Variants in ANO3 observed in about 807,000 individuals in gnomAD.
ANO3 encodes the protein anoctamin-3.
In ANO3, 99 loss-of-function variants were observed where a neutral mutation model predicts 144.8. That is an observed-to-expected ratio of 0.68 (90% CI 0.58 to 0.81). The LOEUF (loss-of-function observed/expected upper bound fraction) is 0.81. Among genes scored for constraint, ANO3 ranks in the 30% least tolerant of loss-of-function variants. The pLI, the probability that ANO3 is intolerant of heterozygous loss-of-function variation, is 0.00. For missense variants in ANO3, 905 were observed against 1,202.2 expected (o/e 0.75, Z 3.66); for synonymous variants, 414 against 392.6 (o/e 1.05, Z -0.64).
intron 1 of ANO3, among the ~76,000 whole-genome samples, chr11:26,253,762 C>A (rs1413209042): frequency 6.6e-6 from 1 of 151,968 alleles, no homozygotes; most frequent in Non-Finnish European, 1.5e-5. Flanking sequence ...GCCAGAAGAC[C>A]CAATTGCTAA....
chr11:26,208,775 G>T (rs867041828), intron 1 of ANO3, among the ~76,000 whole-genome samples: 4 of 152,086 alleles, frequency 2.6e-5, no homozygotes, highest in South Asian at 2.1e-4. Context: ...ACTGCTCAAA[G>T]AAACTTTTTA....
Position 26,245,017 on chromosome 11 carries a change from G to GCA in ANO3, c.154+55687_154+55688insCA, listed in dbSNP as rs752247898. ...TGTGTGTGTGTGTGTGTGTGTGTGT[G>GCA]TGTGCATGCATGCATTTGTCTTTCA... On this transcript the variant is annotated intron_variant, in intron 1 of 27. Transcript: ENST00000672621. 2.1e-3 allele frequency among the ~76,000 whole-genome samples: 299 copies of GCA among 141,716 alleles called. 1 individual carries two copies. The highest frequency in any genetic ancestry group is 8.1e-3 in the African/African-American group (298 of 37,010). The allele number at this position is 141,716 out of a possible 152,430, so 93.0% of individuals were successfully genotyped here. A position where few individuals can be genotyped will look rare whatever the true frequency, so the allele number is the denominator to read the frequency against.
At chr11:26,491,063 T>G (rs1475577374) in intron 4 of ANO3, among the ~76,000 whole-genome samples, 1 of 152,228 alleles carries the variant, frequency 6.6e-6, no homozygotes, top group Non-Finnish European at 1.5e-5. Flanking sequence ...GCTGGGAGTA[T>G]GGACTAAATG....
chr11:26,262,979 C>T (rs911617399), intron 1 of ANO3, among the ~76,000 whole-genome samples: 15 of 152,214 alleles, frequency 9.9e-5, no homozygotes, highest in Non-Finnish European at 1.5e-5. Context: ...TTACTGAATA[C>T]ATGAGTGACT....
chr11:26,356,299 G>T (rs1190968534), intron 1 of ANO3, among the ~76,000 whole-genome samples: 1 of 151,940 alleles, frequency 6.6e-6, no homozygotes, highest in Non-Finnish European at 1.5e-5. Flanking sequence ...GGTAAGATTC[G>T]ACATATGTAT....
At chr11:26,257,814 G>C (rs1389277539) in intron 1 of ANO3, among the ~76,000 whole-genome samples, 1 of 151,848 alleles carries the variant, frequency 6.6e-6, no homozygotes, top group East Asian at 1.9e-4. Context: ...TAAAGAATAA[G>C]GAGAGAAAAA....
chr11:26,485,159 G>T (rs1234894239), intron 4 of ANO3, among the ~76,000 whole-genome samples: 1 of 152,142 alleles, frequency 6.6e-6, no homozygotes, highest in Non-Finnish European at 1.5e-5. Context: ...AGGGACAGTT[G>T]TACTTTGCAA....
intron 1 of ANO3, among the ~76,000 whole-genome samples, chr11:26,337,727 T>G (rs1486552471): frequency 5.9e-5 from 9 of 151,976 alleles, no homozygotes; most frequent in Admixed American, 5.9e-4. Flanking sequence ...TTGAGGACAG[T>G]AGTTTGAGAC....
At chr11:26,514,114 A>G (rs1381313534) in intron 5 of ANO3, among the ~76,000 whole-genome samples, 1 of 151,864 alleles carries the variant, frequency 6.6e-6, no homozygotes, top group Non-Finnish European at 1.5e-5. Context: ...ATGTATGCCC[A>G]GTTCAGAGAA....
intron 14 of ANO3, among the ~76,000 whole-genome samples, chr11:26,577,411 G>A (rs950042260): frequency 6.6e-6 from 1 of 151,902 alleles, no homozygotes; most frequent in Non-Finnish European, 1.5e-5. Context: ...ACAGAAAAAA[G>A]AGGTAGCTGG....
In ANO3 at chr11:26,472,437, A is replaced by G. The variant is rs76559295; in HGVS notation, c.432+9289A>G. On this transcript the variant is annotated intron_variant, in intron 4 of 26. Coordinates refer to ENST00000256737, the MANE Select transcript of ANO3 (RefSeq NM_031418.4). ...CCCCATTTCATAGGTGAGGAAATGA[A>G]GGCTTAGATGGCTACGTAACTTTCC... Among the ~76,000 whole-genome samples, 791 of 152,064 alleles carry G rather than the reference A, an allele frequency of 5.2e-3. 16 individuals carry two copies. Among genetic ancestry groups the G allele is most frequent in the African/African-American group, 0.019 (780 of 41,534 alleles).
At chr11:26,398,143 C>T (rs916951786) in intron 1 of ANO3, among the ~76,000 whole-genome samples, 2 of 152,034 alleles carry the variant, frequency 1.3e-5, no homozygotes, top group African/African-American at 4.8e-5. Context: ...GGTACAATGC[C>T]AGGTGGCAGC....
At chr11:26,512,679 A>G (rs1436555993) in intron 5 of ANO3, among the ~76,000 whole-genome samples, 1 of 152,210 alleles carries the variant, frequency 6.6e-6, no homozygotes, top group East Asian at 1.9e-4. Flanking sequence ...TTACTCATTG[A>G]TAGTAGTTAT....
chr11:26,206,982 A>T (rs1851807541), intron 1 of ANO3, among the ~76,000 whole-genome samples: 1 of 152,184 alleles, frequency 6.6e-6, no homozygotes, highest in African/African-American at 2.4e-5. Flanking sequence ...ATATTACGTG[A>T]TATCATTTGT....
chr11:26,589,031 T>C (rs1301429974), intron 14 of ANO3, among the ~76,000 whole-genome samples: 1 of 152,212 alleles, frequency 6.6e-6, no homozygotes, highest in East Asian at 1.9e-4. Flanking sequence ...TAATGACTTA[T>C]GGTAGTCCTG....
rs1373586604 is a variant in ANO3 at position 26,560,989 on chromosome 11, C to T, written c.1447+1210C>T. 89 of 1,437,274 alleles carry T rather than the reference C, an allele frequency of 6.2e-5. 1 individual carries two copies. The East Asian group carries it at 1.6e-3, about 26-fold the overall frequency. The allele number at this position is 1,437,274 out of a possible 1,614,324, so 89.0% of individuals were successfully genotyped here. A position where few individuals can be genotyped will look rare whatever the true frequency, so the allele number is the denominator to read the frequency against. On this transcript the variant is annotated intron_variant, in intron 14 of 26. Transcript: ENST00000256737. ...TCCACGTGACAGTAATTTTGTGTAA[C>T]CTTTTGAAAGATGAATTTGTCAAAA...
intron 1 of ANO3, among the ~76,000 whole-genome samples, chr11:26,250,419 C>G (rs1266665493): frequency 6.6e-6 from 1 of 152,156 alleles, no homozygotes; most frequent in Non-Finnish European, 1.5e-5. Flanking sequence ...GCATCCATAT[C>G]TATTTATTTC....
chr11:26,547,709 G>T (rs1375575043), intron 12 of ANO3, among the ~76,000 whole-genome samples, 159 bp downstream of exon 12: 1 of 151,668 alleles, frequency 6.6e-6, no homozygotes, highest in Non-Finnish European at 1.5e-5. Flanking sequence ...GGTAGGAAGA[G>T]AACACAATTA....
intron 7 of ANO3, among the ~76,000 whole-genome samples, chr11:26,530,099 A>T (rs996539030): frequency 3.9e-5 from 6 of 152,188 alleles, no homozygotes; most frequent in Non-Finnish European, 8.8e-5. Flanking sequence ...TGCCCGTGAG[A>T]ATCTTAAAAG....
Sources: allele counts gnomAD v4.1 joint callset (sites outside exome capture counted in the v4.1 genomes callset), GRCh38; gene constraint gnomAD v4.1.1; transcripts MANE v1.5; gene names NCBI Gene and HGNC (gene_info 2026-07-23, HGNC 2026-07-21).